ACADM: variants seen among roughly 807,000 people sequenced by gnomAD.
The protein encoded by ACADM is medium-chain specific acyl-CoA dehydrogenase, mitochondrial.
A neutral mutation model predicts 58.9 loss-of-function variants in ACADM; 49 were observed. That is an observed-to-expected ratio of 0.83 (90% CI 0.66 to 1.06). ACADM has a LOEUF of 1.06. Among genes scored for constraint, ACADM ranks in the 50% least tolerant of loss-of-function variants. ACADM has a pLI of 0.00. For missense variants in ACADM, 496 were observed against 507.0 expected (o/e 0.98, Z 0.21); for synonymous variants, 160 against 157.7 (o/e 1.01, Z -0.11).
intron 9 of ACADM, among the ~76,000 whole-genome samples, chr1:75,750,158 T>C (rs914255845): frequency 6.6e-6 from 1 of 152,216 alleles, no homozygotes; most frequent in African/African-American, 2.4e-5. Context: ...CCTGTTAATA[T>C]GTACTCATTT....
chr1:75,734,411 G>A (rs1279423051), intron 5 of ACADM, among the ~76,000 whole-genome samples: 1 of 149,776 alleles, frequency 6.7e-6, no homozygotes, highest in Non-Finnish European at 1.5e-5. Context: ...TCTTGACCTC[G>A]TAATCCGCCC....
chr1:75,740,594 T>A (rs1411536018), intron 7 of ACADM, among the ~76,000 whole-genome samples: 1 of 152,114 alleles, frequency 6.6e-6, no homozygotes, highest in South Asian at 2.1e-4. Context: ...TCAAAAAATA[T>A]GAAGTTCAAC....
chr1:75,728,254 A>G, intron 1 of ACADM, 147 bp from the exon 2 acceptor site: 1 of 570,136 alleles, frequency 1.8e-6, no homozygotes, highest in Non-Finnish European at 3.1e-6. Context: ...TATTTAAATT[A>G]TGATTGAAGG....
chr1:75,728,109 A>C (rs1256975269), intron 1 of ACADM, among the ~76,000 whole-genome samples: 1 of 152,180 alleles, frequency 6.6e-6, no homozygotes, highest in Non-Finnish European at 1.5e-5. Flanking sequence ...TAGTGGTCCT[A>C]CATCTACTAC....
At chr1:75,755,305 GCC>G (rs1648438511) in intron 10 of ACADM, among the ~76,000 whole-genome samples, 1 of 152,198 alleles carries the variant, frequency 6.6e-6, no homozygotes, top group Non-Finnish European at 1.5e-5. Flanking sequence ...CAGACAGACT[GCC>G]TCCTCAAGTG....
chr1:75,735,193 A>G (rs1647221729), intron 6 of ACADM, among the ~76,000 whole-genome samples: 1 of 151,940 alleles, frequency 6.6e-6, no homozygotes, highest in Non-Finnish European at 1.5e-5. Context: ...GCGCCTGCCT[A>G]TAATCCCAGC....
In ACADM at chr1:75,745,574, C is replaced by A. The variant is rs1019247296; in HGVS notation, c.600-232C>A. 2.1e-5 allele frequency: 11 copies of A among 527,762 alleles called. No homozygotes were observed. The Admixed American group carries it at 2.8e-4, about 14-fold the overall frequency. 32.7% of individuals were successfully genotyped at this position (527,762 alleles called of 1,614,324 possible). A position where few individuals can be genotyped will look rare whatever the true frequency, so the allele number is the denominator to read the frequency against. On this transcript the variant is annotated intron_variant, in intron 7 of 11. Transcript: ENST00000370841. ...GTAACTGAAACCACAGAAAGTGAAA[C>A]CCCATGGAATGGGGGAGGGCCTACT...
chr1:75,725,253 TAA>T (rs1036356576), intron 1 of ACADM, among the ~76,000 whole-genome samples: 4 of 127,000 alleles, frequency 3.1e-5, no homozygotes, highest in African/African-American at 1.3e-4. Context: ...AAAAAAAAAG[TAA>T]AAAAAAAACC....
intron 7 of ACADM, among the ~76,000 whole-genome samples, chr1:75,740,762 A>G (rs767861547): frequency 2.0e-5 from 3 of 152,336 alleles, no homozygotes; most frequent in Non-Finnish European, 4.4e-5. Context: ...CCAAAGTAAT[A>G]GAAGTACAGC....
rs752789232 is a variant in ACADM at position 75,740,119 on chromosome 1, T to C, written c.599+9T>C. ...GGAGGAAAAGCTAATTGGTATGTTG[T>C]TCAAAACATCTTTGTATATTTTTTC... On this transcript the variant is annotated intron_variant, in intron 7 of 11. Transcript: ENST00000370841. 2 of 1,607,320 alleles carry C rather than the reference T, an allele frequency of 1.2e-6. No homozygotes were observed. The highest frequency in any genetic ancestry group is 8.5e-7 in the Non-Finnish European group (1 of 1,175,206).
chr1:75,754,608 G>T (rs986070164), intron 10 of ACADM, among the ~76,000 whole-genome samples: 3 of 152,216 alleles, frequency 2.0e-5, no homozygotes, highest in African/African-American at 7.2e-5. Flanking sequence ...GCCATTTCAT[G>T]TGTGGTATTA....
rs572887428 is a variant in ACADM at position 75,753,931 on chromosome 1, A to G, written c.945+3385A>G. On this transcript the variant is annotated intron_variant, in intron 10 of 11. Transcript: ENST00000370841. ...CTACCTTAGCCTCCTGAGTAGCTGG[A>G]ACTATAGGTGTGAGCCACCATGCTC... Among the ~76,000 whole-genome samples the G allele has an allele frequency of 2.7e-5, 4 of 147,470 alleles. No homozygotes were observed. In the South Asian group the frequency reaches 8.7e-4, roughly 32 times the overall value.
intron 1 of ACADM, among the ~76,000 whole-genome samples, chr1:75,726,347 TGACAGAGG>T (rs1647055795): frequency 7.5e-6 from 1 of 134,046 alleles, no homozygotes; most frequent in Admixed American, 8.0e-5. Flanking sequence ...CTAGCCTGGG[TGACAGAGG>T]GAGACTCTGT....
rs2100346922 is a variant in ACADM at position 75,728,397 on chromosome 1, A to G, written c.31-4A>G. 2 of 1,609,826 alleles carry G rather than the reference A, an allele frequency of 1.2e-6. No individual in the cohort carries two copies. The highest frequency in any genetic ancestry group is 1.7e-6 in the Non-Finnish European group (2 of 1,177,012). ...ATTTATTTTAATAAAAGTGTTCTTTACAGGTCCTGAGAAGTATTTCTCGTT... is the reference window on the plus strand; with the variant it reads ...ATTTATTTTAATAAAAGTGTTCTTTGCAGGTCCTGAGAAGTATTTCTCGTT... On this transcript the variant is annotated splice_polypyrimidine_tract_variant and splice_region_variant and intron_variant, in intron 1 of 11. Coordinates refer to ENST00000370841, the MANE Select transcript of ACADM (RefSeq NM_000016.6).
chr1:75,740,204 A>T, intron 7 of ACADM, 94 bp downstream of exon 7: 1 of 1,326,410 alleles, frequency 7.5e-7, no homozygotes, highest in Non-Finnish European at 1.1e-6. Flanking sequence ...CACTACAGTT[A>T]AGGTATGTTT....
intron 7 of ACADM, chr1:75,743,390 A>T: frequency 6.2e-7 from 1 of 1,600,994 alleles, no homozygotes; most frequent in Non-Finnish European, 8.5e-7. Context: ...TTCCTGCATG[A>T]TCAATTTGTA....
At chr1:75,730,902 A>G (rs946204442) in intron 2 of ACADM, among the ~76,000 whole-genome samples, 1 of 152,098 alleles carries the variant, frequency 6.6e-6, no homozygotes, top group South Asian at 2.1e-4. Context: ...TGATAGAGAG[A>G]ACACTGGACT....
At chr1:75,762,301 A>AC (rs1156638472) in intron 11 of ACADM, among the ~76,000 whole-genome samples, 1 of 151,954 alleles carries the variant, frequency 6.6e-6, no homozygotes. Context: ...GTGGGAGAAA[A>AC]AAAAAAAATT....
In ACADM at chr1:75,744,849, A is replaced by C. The variant is rs1300507523; in HGVS notation, c.600-957A>C. ...TATTTGCCCTCCTTTTCAAGATAGC[A>C]TGCCCCTTAAAGAATAAAATTAGTT... On this transcript the variant is annotated intron_variant, in intron 7 of 11. Transcript: ENST00000370841. 3 of 440,320 alleles carry C rather than the reference A, an allele frequency of 6.8e-6. No homozygotes were observed. In the Admixed American group the frequency reaches 1.0e-4, roughly 15 times the overall value. The allele number at this position is 440,320 out of a possible 1,614,324, so 27.3% of individuals were successfully genotyped here.
Sources: allele counts gnomAD v4.1 joint callset (sites outside exome capture counted in the v4.1 genomes callset), GRCh38; gene constraint gnomAD v4.1.1; transcripts MANE v1.5; gene names NCBI Gene and HGNC (gene_info 2026-07-23, HGNC 2026-07-21).